Variants in ATXN1 observed in about 807,000 individuals in gnomAD.
ATXN1 encodes the protein ataxin 1, also known as ataxin-1.
ATXN1 carries 8 observed loss-of-function variants against 56.4 expected under a neutral mutation model. The ratio of observed to expected loss-of-function variants is 0.14; its 90% CI spans 0.08 to 0.26. The LOEUF is 0.26. ATXN1 is among the 10% of genes least tolerant of loss of function. ATXN1 has a pLI of 1.00. For synonymous variants in ATXN1, 514 were observed against 494.6 expected (o/e 1.04, Z -0.52); for missense variants, 987 against 1,106.5 (o/e 0.89, Z 1.53).
At chr6:16,719,656 T>TGTCC (rs1390189656) in intron 2 of ATXN1, among the ~76,000 whole-genome samples, 2 of 152,196 alleles carry the variant, frequency 1.3e-5, no homozygotes, top group African/African-American at 4.8e-5. Flanking sequence ...ACATCCCACC[T>TGTCC]GTCCTTCCTT....
At chr6:16,759,168 T>A (rs1252837095) in intron 1 of ATXN1, among the ~76,000 whole-genome samples, 2 of 152,232 alleles carry the variant, frequency 1.3e-5, no homozygotes, top group Non-Finnish European at 2.9e-5. Context: ...CTGTGTGCAA[T>A]ATATAACAAT....
Position 16,299,635 on chromosome 6 carries a change from G to A in ATXN1, c.*6694C>T, listed in dbSNP as rs1760033182. On this transcript the variant is annotated 3_prime_UTR_variant, in exon 8 of 8. Transcript: ENST00000436367. ...TTGGCCTGTGGGAGGCATATGGTGG[G>A]TAATGATCTGATATTAAAACATCCA... is the stretch of plus-strand genomic sequence containing the variant. 1 of 152,644 alleles carries A rather than the reference G, an allele frequency of 6.6e-6. No individual in the cohort carries two copies. Among genetic ancestry groups the A allele is most frequent in the Non-Finnish European group, 1.5e-5 (1 of 68,062 alleles). 9.5% of individuals were successfully genotyped at this position (152,644 alleles called of 1,614,324 possible).
chr6:16,759,175 CAAT>C (rs1224482901), intron 1 of ATXN1, among the ~76,000 whole-genome samples: 1 of 152,214 alleles, frequency 6.6e-6, no homozygotes, highest in East Asian at 1.9e-4. Context: ...CAATATATAA[CAAT>C]GATGTTTAAA....
Position 16,456,664 on chromosome 6 carries a change from T to C in ATXN1, c.-161+29308A>G, listed in dbSNP as rs947836139. On this transcript the variant is annotated intron_variant, in intron 6 of 7. Coordinates refer to ENST00000436367, the MANE Select transcript of ATXN1 (RefSeq NM_001128164.2). ...CCTATCTATCCTGACCCTTGCCTCC[T>C]GGGTCCTAACACCTGTCAGACAAAC... is the stretch of plus-strand genomic sequence containing the variant. 3.3e-5 allele frequency among the ~76,000 whole-genome samples: 5 copies of C among 152,240 alleles called. No homozygotes were observed. The East Asian group carries it at 9.6e-4, about 29-fold the overall frequency.
chr6:16,359,209 A>T (rs144922292), intron 6 of ATXN1, among the ~76,000 whole-genome samples: 1 of 152,176 alleles, frequency 6.6e-6, no homozygotes. Flanking sequence ...GGAGTCCCCA[A>T]TTAGGCCCCA....
chr6:16,380,453 A>G (rs920015330), intron 6 of ATXN1, among the ~76,000 whole-genome samples: 3 of 151,356 alleles, frequency 2.0e-5, no homozygotes, highest in African/African-American at 7.3e-5. Context: ...TTAGGGAGAT[A>G]GTAAGGAACT....
At chr6:16,349,204 T>TA (rs1261213122) in intron 6 of ATXN1, among the ~76,000 whole-genome samples, 2 of 152,162 alleles carry the variant, frequency 1.3e-5, no homozygotes, top group South Asian at 2.1e-4. Context: ...TTCATCTGCA[T>TA]AAAAAAATCA....
chr6:16,676,127 T>G (rs925920329), intron 2 of ATXN1, among the ~76,000 whole-genome samples: 4 of 152,082 alleles, frequency 2.6e-5, no homozygotes, highest in Non-Finnish European at 4.4e-5. Flanking sequence ...ATCAACAGGG[T>G]AGTATTACAT....
chr6:16,320,590 G>A (rs780548068), intron 7 of ATXN1, among the ~76,000 whole-genome samples: 27 of 152,236 alleles, frequency 1.8e-4, no homozygotes, highest in Non-Finnish European at 1.6e-4. Flanking sequence ...AATATAGAAC[G>A]CCGCCAGATG....
chr6:16,399,725 A>G (rs1758529621), intron 6 of ATXN1, among the ~76,000 whole-genome samples: 1 of 152,200 alleles, frequency 6.6e-6, no homozygotes, highest in African/African-American at 2.4e-5. Flanking sequence ...CATCCAGCGC[A>G]TAGAGGCCAG....
intron 6 of ATXN1, among the ~76,000 whole-genome samples, chr6:16,457,167 C>A (rs1210647442): frequency 7.2e-5 from 11 of 152,154 alleles, no homozygotes; most frequent in Non-Finnish European, 1.5e-4. Flanking sequence ...GTAAGGGCCA[C>A]TAAATCTGAC....
intron 3 of ATXN1, among the ~76,000 whole-genome samples, chr6:16,640,191 T>A (rs1157567695): frequency 1.3e-5 from 2 of 152,210 alleles, no homozygotes; most frequent in African/African-American, 4.8e-5. Flanking sequence ...TTCAAACTTT[T>A]GCGCTGTTAT....
chr6:16,687,381 C>A (rs1325374459), intron 2 of ATXN1, among the ~76,000 whole-genome samples: 1 of 151,766 alleles, frequency 6.6e-6, no homozygotes, highest in Non-Finnish European at 1.5e-5. Context: ...CTGAAAAGTA[C>A]AATGTATTAA....
rs999433825 is a variant in ATXN1 at position 16,327,891 on chromosome 6, G to A, written c.420C>T (p.Ala140=). 11 of 1,607,864 alleles carry A rather than the reference G, an allele frequency of 6.8e-6. No individual in the cohort carries two copies. In the Admixed American group the frequency reaches 1.5e-4, roughly 22 times the overall value. ...GGATCAGCTGTGATGGGATGAAGCT[G>A]GCATAGGTTCCACTGTATTGGGAGG... ...IGSSQYSGTY[A]SFIPSQLIPP... The change falls in exon 7 of 8, where the codon GCC becomes GCT. Residue 140 remains alanine (A), a synonymous_variant. Transcript: ENST00000436367.
In ATXN1 at chr6:16,302,971, CTG is replaced by C. The variant is rs1212668854; in HGVS notation, c.*3356_*3357del. 6.5e-6 allele frequency: 1 copy of C among 152,672 alleles called. No homozygotes were observed. The highest frequency in any genetic ancestry group is 6.5e-5 in the Admixed American group (1 of 15,288). 9.5% of individuals were successfully genotyped at this position (152,672 alleles called of 1,614,324 possible). On this transcript the variant is annotated 3_prime_UTR_variant, in exon 8 of 8. Coordinates refer to ENST00000436367, the MANE Select transcript of ATXN1 (RefSeq NM_001128164.2). The stretch of plus-strand genomic sequence containing the variant: ...TCTGCAAACAGGAGGCTCCTGCCCT[CTG>C]TGCGTTCTTCCTATTTGAAGAGAAA...
At chr6:16,673,472 CT>C (rs1223595413) in intron 2 of ATXN1, among the ~76,000 whole-genome samples, 3 of 152,120 alleles carry the variant, frequency 2.0e-5, no homozygotes, top group Non-Finnish European at 4.4e-5. Context: ...ACCTCCTCAC[CT>C]TTGTCAAGGC....
chr6:16,306,632 G>A lies in ATXN1; in HGVS notation c.2145C>T (p.Gly715=). 1 of 1,614,222 alleles carries A rather than the reference G, an allele frequency of 6.2e-7. No homozygotes were observed. Among genetic ancestry groups the A allele is most frequent in the African/African-American group, 1.3e-5 (1 of 75,058 alleles). The change falls in exon 8 of 8, where the codon GGC becomes GGT. Residue 715 remains glycine, a synonymous_variant. Coordinates refer to ENST00000436367, the MANE Select transcript of ATXN1 (RefSeq NM_001128164.2). The surrounding 1 kb of genome is among the most constrained non-coding windows in gnomAD (Gnocchi z 5.2). ...SVLLKHSKAD[G]LAGSRHRYAE... The stretch of plus-strand genomic sequence containing the variant: ...CATACCTGTGTCTGCTGCCCGCCAG[G>A]CCGTCGGCCTTTGAGTGCTTCAGCA...
At chr6:16,372,797 T>C (rs914342242) in intron 6 of ATXN1, among the ~76,000 whole-genome samples, 1 of 152,168 alleles carries the variant, frequency 6.6e-6, no homozygotes, top group Non-Finnish European at 1.5e-5. Flanking sequence ...ATGTCTATAG[T>C]CCTTGCTACT....
rs374408332 is a variant in ATXN1 at position 16,735,472 on chromosome 6, C to A, written c.-615+17761G>T. Among the ~76,000 whole-genome samples, 23 of 152,206 alleles carry A rather than the reference C, an allele frequency of 1.5e-4. No individual in the cohort carries two copies. The East Asian group carries it at 4.2e-3, about 28-fold the overall frequency. On this transcript the variant is annotated intron_variant, in intron 2 of 7. Coordinates refer to ENST00000436367, the MANE Select transcript of ATXN1 (RefSeq NM_001128164.2). Reference sequence around the variant, plus strand: ...CCACTCCGTGTGTCACTAGAAGATGCCCAAATGAATGGAGGAAACAAATCT... The same window carrying A: ...CCACTCCGTGTGTCACTAGAAGATGACCAAATGAATGGAGGAAACAAATCT...
Sources: allele counts gnomAD v4.1 joint callset (sites outside exome capture counted in the v4.1 genomes callset), GRCh38; gene constraint gnomAD v4.1.1; non-coding constraint Gnocchi (gnomAD v3.1); transcripts MANE v1.5; gene names NCBI Gene and HGNC (gene_info 2026-07-23, HGNC 2026-07-21).